ZNF536: variants seen among roughly 807,000 people sequenced by gnomAD.
The protein encoded by ZNF536 is zinc finger protein 536.
A neutral mutation model predicts 84.5 loss-of-function variants in ZNF536; 13 were observed. The observed-to-expected ratio is 0.15, with a 90% confidence interval of 0.10 to 0.24. The LOEUF is 0.24. Ranked by LOEUF, ZNF536 falls within the 10% of genes least tolerant of loss-of-function variation. The pLI is 1.00. For synonymous variants in ZNF536, 811 were observed against 742.5 expected (o/e 1.09, Z -1.50); for missense variants, 1,536 against 1,747.5 (o/e 0.88, Z 2.16).
intron 2 of ZNF536, among the ~76,000 whole-genome samples, chr19:30,288,392 G>C (rs1226168709): frequency 6.6e-6 from 1 of 152,304 alleles, no homozygotes; most frequent in South Asian, 2.1e-4. Flanking sequence ...GTCTTGAGGG[G>C]ATAGGCTGAG....
chr19:30,286,715 T>A (rs2045644010), intron 2 of ZNF536, among the ~76,000 whole-genome samples: 1 of 152,222 alleles, frequency 6.6e-6, no homozygotes, highest in Non-Finnish European at 1.5e-5. Context: ...GTATTTTGAA[T>A]ACAAAATTTA....
At chr19:30,293,648 C>A (rs1283441781) in intron 2 of ZNF536, among the ~76,000 whole-genome samples, 1 of 152,166 alleles carries the variant, frequency 6.6e-6, no homozygotes, top group Admixed American at 6.5e-5. Flanking sequence ...GGACTCTTAC[C>A]CTTAGAGTTT....
At chr19:30,664,190 A>T (rs2050218729) in intron 1 of ZNF536, among the ~76,000 whole-genome samples, 1 of 146,512 alleles carries the variant, frequency 6.8e-6, no homozygotes, top group Non-Finnish European at 1.5e-5. Flanking sequence ...ATCTAGAGGA[A>T]TTCTTGCTGA....
chr19:30,458,841 A>C (rs1383628339), intron 2 of ZNF536, among the ~76,000 whole-genome samples: 1 of 152,086 alleles, frequency 6.6e-6, no homozygotes, highest in African/African-American at 2.4e-5. Flanking sequence ...ACTCTCTTCT[A>C]TCTCATTTCC....
At chr19:30,367,362 A>G (rs566726245) in intron 3 of ZNF536, among the ~76,000 whole-genome samples, 4 of 152,336 alleles carry the variant, frequency 2.6e-5, no homozygotes, top group African/African-American at 9.6e-5. Context: ...ACATGAAATA[A>G]AAGAGTTTAA....
intron 2 of ZNF536, among the ~76,000 whole-genome samples, chr19:30,297,557 G>T (rs981238674): frequency 6.6e-6 from 1 of 152,176 alleles, no homozygotes; most frequent in African/African-American, 2.4e-5. Flanking sequence ...ACCTATCAAG[G>T]GTGGTCAGAA....
chr19:30,414,570 G>T (rs2050632847), intron 1 of ZNF536, among the ~76,000 whole-genome samples: 1 of 152,140 alleles, frequency 6.6e-6, no homozygotes, highest in Non-Finnish European at 1.5e-5. Context: ...GTGTGTGTGT[G>T]TGCACATATG....
At chr19:30,487,646 G>A (rs907841796) in intron 2 of ZNF536, among the ~76,000 whole-genome samples, 5 of 152,130 alleles carry the variant, frequency 3.3e-5, no homozygotes, top group Non-Finnish European at 7.3e-5. Flanking sequence ...ACCCCCTGGT[G>A]CATGTTAAGA....
chr19:30,594,405 G>T (rs907927438), intron 1 of ZNF536, among the ~76,000 whole-genome samples: 3 of 152,110 alleles, frequency 2.0e-5, no homozygotes, highest in Non-Finnish European at 2.9e-5. Context: ...CAGGCCACAG[G>T]TCCTCCCCTC....
At chr19:30,610,347 G>A (rs1428884301) in intron 1 of ZNF536, among the ~76,000 whole-genome samples, 1 of 152,220 alleles carries the variant, frequency 6.6e-6, no homozygotes, top group Non-Finnish European at 1.5e-5. Flanking sequence ...GAGGCTGGGA[G>A]AGCTGATACT....
intron 1 of ZNF536, among the ~76,000 whole-genome samples, chr19:30,383,409 G>A (rs1044422907): frequency 6.6e-6 from 1 of 152,210 alleles, no homozygotes; most frequent in Non-Finnish European, 1.5e-5. Context: ...GCCCAGTTCA[G>A]ATGGTGAACA....
intron 1 of ZNF536, among the ~76,000 whole-genome samples, chr19:30,666,101 G>T (rs897480240): frequency 1.2e-4 from 18 of 152,198 alleles, no homozygotes; most frequent in African/African-American, 4.1e-4. Flanking sequence ...GTTGCTTTAG[G>T]GTTGATCTAG....
At chr19:30,611,226 G>A (rs974129213) in intron 1 of ZNF536, among the ~76,000 whole-genome samples, 2 of 152,118 alleles carry the variant, frequency 1.3e-5, no homozygotes, top group Non-Finnish European at 2.9e-5. Flanking sequence ...GAAGCAGGAA[G>A]GAGTCTCCTC....
chr19:30,348,324 C>A (rs150097504), intron 2 of ZNF536, among the ~76,000 whole-genome samples: 80 of 152,340 alleles, frequency 5.3e-4, no homozygotes, highest in African/African-American at 1.9e-3. Flanking sequence ...TGATTGGATG[C>A]AGAGGCTCAC....
At chr19:30,627,290 A>AC (rs1017053958) in intron 1 of ZNF536, among the ~76,000 whole-genome samples, 1 of 150,956 alleles carries the variant, frequency 6.6e-6, no homozygotes. Flanking sequence ...ATGTAGGGAG[A>AC]CCCCATCTCT....
chr19:30,674,108 G>A (rs968029163), intron 1 of ZNF536, among the ~76,000 whole-genome samples: 33 of 152,218 alleles, frequency 2.2e-4, no homozygotes, highest in African/African-American at 7.7e-4. Flanking sequence ...ATCTCCAAGA[G>A]GCAGATATTG....
intron 1 of ZNF536, among the ~76,000 whole-genome samples, chr19:30,696,753 G>A (rs1220111613): frequency 6.6e-6 from 1 of 152,184 alleles, no homozygotes; most frequent in African/African-American, 2.4e-5. Flanking sequence ...CACCTGGTGG[G>A]GCTGAGCTGG....
At chr19:30,228,425 T>C (rs1346439575), upstream of ZNF536, 3 of 152,046 alleles carry the variant, frequency 2.0e-5, no homozygotes, top group Non-Finnish European at 4.4e-5. The surrounding 1 kb of genome is among the most constrained non-coding windows in gnomAD (Gnocchi z 4.5). Context: ...CATTACCGCT[T>C]TAATTAACTT....
Position 30,241,705 on chromosome 19 carries a change from G to A in ZNF536, c.-190+13032G>A, listed in dbSNP as rs377305764. Reference sequence around the variant, plus strand: ...ACTCTGGGCAGCACCACCAGGCTCTGCAGATCTTTGCTGAGTGTCTGCTAT... The same window carrying A: ...ACTCTGGGCAGCACCACCAGGCTCTACAGATCTTTGCTGAGTGTCTGCTAT... On this transcript the variant is annotated intron_variant, in intron 1 of 5. Coordinates refer to the ZNF536 transcript ENST00000585628. 2.1e-4 allele frequency among the ~76,000 whole-genome samples: 32 copies of A among 152,360 alleles called. No individual in the cohort carries two copies. In the East Asian group the frequency reaches 2.1e-3, roughly 10 times the overall value.
Sources: allele counts gnomAD v4.1 joint callset (sites outside exome capture counted in the v4.1 genomes callset), GRCh38; gene constraint gnomAD v4.1.1; non-coding constraint Gnocchi (gnomAD v3.1); transcripts MANE v1.5; gene names NCBI Gene and HGNC (gene_info 2026-07-23, HGNC 2026-07-21).